BCR: variants seen among roughly 807,000 people sequenced by gnomAD.
The protein encoded by BCR is breakpoint cluster region protein.
In BCR, 58 loss-of-function variants were observed where a neutral mutation model predicts 138.6. That is an observed-to-expected ratio of 0.42 (90% CI 0.34 to 0.52). BCR has a LOEUF of 0.52. BCR is among the 20% of genes least tolerant of loss of function. The probability of loss-of-function intolerance (pLI) is 0.06; values close to 1 mark genes in which losing one functional copy is unlikely to be tolerated. For missense variants in BCR, 1,599 were observed against 1,727.2 expected, an observed-to-expected ratio of 0.93 and a Z score of 1.32; for synonymous variants, 786 against 730.1, an observed-to-expected ratio of 1.08 and a Z score of -1.23.
chr22:23,272,969 C>T (rs537380888), intron 6 of BCR, 112 bp from the exon 7 acceptor site: 2 of 1,147,382 alleles, frequency 1.7e-6, no homozygotes, highest in East Asian at 2.4e-5. Flanking sequence ...GGAGATGGGG[C>T]CTGTGGAGGC....
At position 23,181,269 on chromosome 22, in the gene BCR, CGGAGCCGACCCGCCGCCCGCCGAG is replaced by C; in HGVS notation, c.311_334del (p.Gly104_Glu111del). On this transcript the variant is annotated inframe_deletion, in exon 1 of 23. Transcript: ENST00000305877. ...CGCGCCCGCAGCCAGCGCCCGCCGA[CGGAGCCGACCCGCCGCCCGCCGAG>C]GAGCCCGAGGCCCGGCCCGACGGCG... 1 of 1,260,394 alleles carries C rather than the reference CGGAGCCGACCCGCCGCCCGCCGAG, an allele frequency of 7.9e-7. No individual in the cohort carries two copies. The highest frequency in any genetic ancestry group is 1.0e-6 in the Non-Finnish European group (1 of 997,100). 78.1% of individuals were successfully genotyped at this position (1,260,394 alleles called of 1,614,324 possible). A position where few individuals can be genotyped will look rare whatever the true frequency, so the allele number is the denominator to read the frequency against.
chr22:23,230,828 C>G (rs1289366153), intron 1 of BCR, among the ~76,000 whole-genome samples: 1 of 152,204 alleles, frequency 6.6e-6, no homozygotes, highest in Admixed American at 6.5e-5. Flanking sequence ...CACCAGCCTG[C>G]TCCCCAGCCG....
chr22:23,287,562 G>T (rs1321144042), intron 11 of BCR, among the ~76,000 whole-genome samples: 1 of 152,210 alleles, frequency 6.6e-6, no homozygotes, highest in Non-Finnish European at 1.5e-5. Flanking sequence ...CCTTGGTACA[G>T]GGATGCTGTC....
intron 4 of BCR, among the ~76,000 whole-genome samples, chr22:23,265,208 C>T (rs2092010776): frequency 6.6e-6 from 1 of 152,206 alleles, no homozygotes; most frequent in Admixed American, 6.5e-5. Context: ...CTTGAGCTAC[C>T]TTCATGCGTC....
rs187279648 is a variant in BCR, at chr22:23,237,019, C to T, written c.1280-16780C>T. ...CCAGAAGAAGTGCCAGGCTCAGAAC[C>T]GGCGTCAGATACCTCTGAGAGCCTT... On this transcript the variant is annotated intron_variant, in intron 1 of 22. Transcript: ENST00000305877. Among the ~76,000 whole-genome samples, 4 of 152,314 alleles carry T rather than the reference C, an allele frequency of 2.6e-5. No homozygotes were observed. In the South Asian group the frequency reaches 6.2e-4, roughly 24 times the overall value.
intron 11 of BCR, among the ~76,000 whole-genome samples, chr22:23,287,482 G>T (rs1347449159): frequency 6.6e-6 from 1 of 152,254 alleles, no homozygotes; most frequent in Non-Finnish European, 1.5e-5. Context: ...AGCTCCCACA[G>T]CTGGGAGTGG....
intron 16 of BCR, among the ~76,000 whole-genome samples, chr22:23,298,721 G>A (rs1358716601): frequency 5.9e-5 from 9 of 152,064 alleles, no homozygotes; most frequent in Non-Finnish European, 1.0e-4. Flanking sequence ...GCAGCCTCCT[G>A]AATAGCTGTT....
At chr22:23,209,332 C>G (rs1405236147) in intron 1 of BCR, among the ~76,000 whole-genome samples, 1 of 151,912 alleles carries the variant, frequency 6.6e-6, no homozygotes, top group East Asian at 2.0e-4. Flanking sequence ...TGCACTCCAG[C>G]TTGGGCTACA....
At chr22:23,218,853 G>C (rs2072787210) in intron 1 of BCR, among the ~76,000 whole-genome samples, 1 of 152,234 alleles carries the variant, frequency 6.6e-6, no homozygotes. Flanking sequence ...GTGAGTGGCT[G>C]TCAGCAGTTA....
intron 16 of BCR, among the ~76,000 whole-genome samples, chr22:23,296,539 G>C (rs1329900686): frequency 6.6e-6 from 1 of 152,162 alleles, no homozygotes; most frequent in African/African-American, 2.4e-5. Flanking sequence ...ACCCTGGCCT[G>C]GCTGGCCACA....
intron 8 of BCR, among the ~76,000 whole-genome samples, chr22:23,282,707 G>A (rs1242385409): frequency 6.6e-6 from 1 of 152,238 alleles, no homozygotes; most frequent in Admixed American, 6.5e-5. Flanking sequence ...TTCTCGAGAT[G>A]AGGACAGGTG....
At chr22:23,272,762 A>T (rs1250462368) in intron 6 of BCR, among the ~76,000 whole-genome samples, 2 of 152,124 alleles carry the variant, frequency 1.3e-5, no homozygotes, top group Non-Finnish European at 2.9e-5. Flanking sequence ...GGCCCACCCC[A>T]GCCCGTCCTT....
chr22:23,185,452 G>T (rs1157493281), intron 1 of BCR, among the ~76,000 whole-genome samples: 2 of 152,038 alleles, frequency 1.3e-5, no homozygotes, highest in East Asian at 2.0e-4. Context: ...GATCACAAGG[G>T]CAGGAGATGG....
chr22:23,220,241 GA>G (rs1324916748), intron 1 of BCR, among the ~76,000 whole-genome samples: 1 of 152,228 alleles, frequency 6.6e-6, no homozygotes, highest in Non-Finnish European at 1.5e-5. Context: ...CTGAAAGGAG[GA>G]AGGTTACACT....
At chr22:23,207,010 A>G (rs1489213525) in intron 1 of BCR, among the ~76,000 whole-genome samples, 1 of 136,902 alleles carries the variant, frequency 7.3e-6, no homozygotes, top group Non-Finnish European at 1.5e-5. Context: ...CATCCAGCCA[A>G]CCATCCATCC....
intron 2 of BCR, among the ~76,000 whole-genome samples, chr22:23,259,449 T>C (rs1246812221): frequency 6.6e-6 from 1 of 152,150 alleles, no homozygotes; most frequent in Non-Finnish European, 1.5e-5. Context: ...GAAGGACCGC[T>C]TGAGCTCAGG....
At position 23,190,449 on chromosome 22, in the gene BCR, T is replaced by G. The variant is rs142802750; in HGVS notation, c.1279+8210T>G. Among the ~76,000 whole-genome samples, 739 of 152,262 alleles carry G rather than the reference T, an allele frequency of 4.9e-3. 5 individuals are homozygous for G. Among genetic ancestry groups the G allele is most frequent in the African/African-American group, 0.017 (696 of 41,558 alleles). ...TCCAAAAGTGCTGGGATTATAGGCA[T>G]GAGCCACTGCACCCGGCCCAAATTT... is the stretch of plus-strand genomic sequence containing the variant. On this transcript the variant is annotated intron_variant, in intron 1 of 22. Coordinates refer to ENST00000305877, the MANE Select transcript of BCR (RefSeq NM_004327.4).
intron 18 of BCR, among the ~76,000 whole-genome samples, chr22:23,310,706 C>T (rs1009184358): frequency 3.3e-5 from 5 of 152,214 alleles, no homozygotes; most frequent in Non-Finnish European, 7.3e-5. Flanking sequence ...TATCACGGTC[C>T]CAGATTCCTG....
rs539944551 is a variant in BCR at position 23,181,598 on chromosome 22, A to C, written c.638A>C (p.Lys213Thr). 1.2e-6 allele frequency: 2 copies of C among 1,612,630 alleles called. No individual in the cohort carries two copies. The highest frequency in any genetic ancestry group is 1.7e-6 in the Non-Finnish European group (2 of 1,179,974). Reference sequence around the variant, plus strand: ...AGCCAGGCCATGCAGATGGAGCGCAAAAAGTCCCAGCACGGCGCGGGCTCG... The same window carrying C: ...AGCCAGGCCATGCAGATGGAGCGCACAAAGTCCCAGCACGGCGCGGGCTCG... Reference protein sequence around the residue: ...LGSQAMQMERKKSQHGAGSSV... With the variant: ...LGSQAMQMERTKSQHGAGSSV... The change falls in exon 1 of 23, where the codon AAA becomes ACA. Residue 213 changes from lysine to threonine, a missense_variant. Lys to Thr is a moderately conservative substitution (Grantham distance 78). Around this residue, in one of 4 missense-constraint regions of BCR, gnomAD observed 806 missense variants for 635.0 expected, o/e 1.27. Coordinates refer to ENST00000305877, the MANE Select transcript of BCR (RefSeq NM_004327.4).
Sources: allele counts gnomAD v4.1 joint callset (sites outside exome capture counted in the v4.1 genomes callset), GRCh38; gene constraint gnomAD v4.1.1; regional missense constraint gnomAD v4.1.1; transcripts MANE v1.5; gene names NCBI Gene and HGNC (gene_info 2026-07-23, HGNC 2026-07-21).